Variants in CNTNAP5 observed in about 807,000 individuals in gnomAD.
CNTNAP5 encodes contactin-associated protein-like 5.
Under a neutral mutation model 150.2 loss-of-function variants are expected in CNTNAP5, and 72 were observed. The observed-to-expected ratio is 0.48, with a 90% CI of 0.40 to 0.58. The LOEUF (loss-of-function observed/expected upper bound fraction) is 0.58, where lower values mean the gene tolerates loss of function less well. Ranked by LOEUF, CNTNAP5 falls within the 20% of genes least tolerant of loss-of-function variation. CNTNAP5 has a pLI of 0.00. For synonymous variants in CNTNAP5, 672 were observed against 619.8 expected (o/e 1.08, Z -1.25); for missense variants, 1,636 against 1,626.2 (o/e 1.01, Z -0.10).
intron 1 of CNTNAP5, among the ~76,000 whole-genome samples, chr2:124,031,561 A>T (rs1415760681): frequency 6.6e-6 from 1 of 152,122 alleles, no homozygotes; most frequent in African/African-American, 2.4e-5. Context: ...CAGCTATAGA[A>T]GCTTTCATAT....
At chr2:124,388,967 A>G (rs1183165473) in intron 3 of CNTNAP5, among the ~76,000 whole-genome samples, 3 of 152,314 alleles carry the variant, frequency 2.0e-5, no homozygotes, top group Non-Finnish European at 2.9e-5. Context: ...GAAAGACTTA[A>G]CAGGGTTCAT....
intron 3 of CNTNAP5, among the ~76,000 whole-genome samples, chr2:124,364,015 C>A (rs79365016): frequency 0.017 from 2,598 of 152,258 alleles, 69 homozygotes; most frequent in African/African-American, 0.059. Flanking sequence ...CAGAGGCATG[C>A]TTTTAAATTT....
chr2:124,627,640 A>G (rs1677756241), intron 12 of CNTNAP5, among the ~76,000 whole-genome samples: 1 of 152,282 alleles, frequency 6.6e-6, no homozygotes. Flanking sequence ...GAAAAATCCC[A>G]AAAGTCAAAA....
At chr2:124,470,809 A>G (rs534383204) in intron 6 of CNTNAP5, among the ~76,000 whole-genome samples, 168 of 152,198 alleles carry the variant, frequency 1.1e-3, no homozygotes, top group African/African-American at 3.8e-3. Context: ...TCCCAGCACC[A>G]TTTATTAAAT....
chr2:124,236,555 C>T (rs952843125), intron 2 of CNTNAP5, among the ~76,000 whole-genome samples: 9 of 152,230 alleles, frequency 5.9e-5, no homozygotes, highest in African/African-American at 9.6e-5. Flanking sequence ...GCATAATGTT[C>T]GATATTTATG....
chr2:124,312,732 G>A (rs760597860), intron 3 of CNTNAP5, among the ~76,000 whole-genome samples: 6 of 152,112 alleles, frequency 3.9e-5, no homozygotes, highest in Admixed American at 3.3e-4. Flanking sequence ...CACAGCACCC[G>A]GCTAATTTTT....
intron 3 of CNTNAP5, among the ~76,000 whole-genome samples, chr2:124,254,182 A>G (rs1687252214): frequency 6.6e-6 from 1 of 152,218 alleles, no homozygotes; most frequent in Admixed American, 6.5e-5. Context: ...AGAAATATTT[A>G]AATCCTTATC....
chr2:124,757,778 C>T (rs566334198), intron 14 of CNTNAP5, among the ~76,000 whole-genome samples: 2 of 152,274 alleles, frequency 1.3e-5, no homozygotes, highest in Non-Finnish European at 2.9e-5. Context: ...GTCCCCAAAC[C>T]ACCAGTACAT....
intron 8 of CNTNAP5, among the ~76,000 whole-genome samples, chr2:124,518,946 G>A (rs558991308): frequency 2.9e-4 from 40 of 138,762 alleles, no homozygotes; most frequent in African/African-American, 1.1e-3. Flanking sequence ...CCAAGATCAT[G>A]CCACTGTACT....
intron 22 of CNTNAP5, among the ~76,000 whole-genome samples, chr2:124,905,164 A>G (rs1161883203): frequency 1.7e-4 from 26 of 149,242 alleles, no homozygotes; most frequent in Non-Finnish European, 3.1e-4. Flanking sequence ...CAAACATCCA[A>G]CAGGTACATG....
At chr2:124,133,351 G>T (rs1332370506) in intron 1 of CNTNAP5, among the ~76,000 whole-genome samples, 2 of 152,192 alleles carry the variant, frequency 1.3e-5, no homozygotes, top group East Asian at 3.9e-4. Flanking sequence ...CTTCTTCAAA[G>T]CTTCTTATAT....
intron 11 of CNTNAP5, among the ~76,000 whole-genome samples, chr2:124,594,846 C>T (rs1257553913): frequency 9.7e-6 from 1 of 103,218 alleles, no homozygotes; most frequent in Non-Finnish European, 2.0e-5. Context: ...TTGAAGAGGT[C>T]CTTCACATCC....
intron 2 of CNTNAP5, among the ~76,000 whole-genome samples, chr2:124,222,684 T>C: frequency 6.6e-6 from 1 of 151,944 alleles, no homozygotes; most frequent in African/African-American, 2.4e-5. Flanking sequence ...TTTGCAATAT[T>C]GAACCATCTT....
chr2:124,098,022 C>T (rs957820881), intron 1 of CNTNAP5, among the ~76,000 whole-genome samples: 9 of 143,254 alleles, frequency 6.3e-5, no homozygotes, highest in East Asian at 6.1e-4. Flanking sequence ...AGCGAGACTC[C>T]GTCTCAAAAA....
chr2:124,086,278 G>C (rs1457517747), intron 1 of CNTNAP5, among the ~76,000 whole-genome samples: 1 of 138,010 alleles, frequency 7.2e-6, no homozygotes, highest in Non-Finnish European at 1.5e-5. Context: ...CTCATTGCAA[G>C]CTCCGCCTCC....
chr2:124,588,726 C>T (rs1177516873), intron 11 of CNTNAP5, among the ~76,000 whole-genome samples: 1 of 152,130 alleles, frequency 6.6e-6, no homozygotes, highest in African/African-American at 2.4e-5. Flanking sequence ...ACAACATTCT[C>T]TACTTATATT....
At chr2:124,321,550 A>T (rs542263333) in intron 3 of CNTNAP5, among the ~76,000 whole-genome samples, 3 of 152,312 alleles carry the variant, frequency 2.0e-5, no homozygotes, top group Admixed American at 2.0e-4. Context: ...TTCCACTATG[A>T]ATTTTTTTGA....
At chr2:124,165,566 T>C (rs905630886) in intron 1 of CNTNAP5, among the ~76,000 whole-genome samples, 6 of 152,166 alleles carry the variant, frequency 3.9e-5, no homozygotes, top group Non-Finnish European at 8.8e-5. Context: ...TAGGGTGATG[T>C]CATGAACATC....
At chr2:124,124,458 G>A (rs951613562) in intron 1 of CNTNAP5, among the ~76,000 whole-genome samples, 1 of 152,152 alleles carries the variant, frequency 6.6e-6, no homozygotes, top group Non-Finnish European at 1.5e-5. Flanking sequence ...AAAAGAGACG[G>A]GGAGAATGGA....
Sources: allele counts gnomAD v4.1 joint callset (sites outside exome capture counted in the v4.1 genomes callset), GRCh38; gene constraint gnomAD v4.1.1; transcripts MANE v1.5; gene names NCBI Gene and HGNC (gene_info 2026-07-23, HGNC 2026-07-21).